Variants in LAMA2 observed in about 807,000 individuals in gnomAD.
The protein encoded by LAMA2 is laminin subunit alpha-2.
In LAMA2, 269 loss-of-function variants were observed where a neutral mutation model predicts 364.8. The observed-to-expected ratio is 0.74, with a 90% confidence interval of 0.67 to 0.82. LAMA2 has a LOEUF of 0.82. LAMA2 is among the 40% of genes least tolerant of loss of function. LAMA2 has a pLI of 0.00. For missense variants in LAMA2, 3,807 were observed against 3,873.2 expected (o/e 0.98, Z 0.45); for synonymous variants, 1,379 against 1,370.6 (o/e 1.01, Z -0.14).
chr6:129,326,148 G>A (rs1208886635), intron 28 of LAMA2, among the ~76,000 whole-genome samples: 1 of 152,110 alleles, frequency 6.6e-6, no homozygotes, highest in African/African-American at 2.4e-5. Context: ...CCTTTTCCAT[G>A]TGCCCTTTTA....
intron 50 of LAMA2, 147 bp downstream of exon 50, chr6:129,464,599 G>A (rs1783443871): frequency 1.1e-5 from 8 of 745,600 alleles, no homozygotes; most frequent in Non-Finnish European, 1.7e-5. Context: ...AAGAATGGGT[G>A]ATACAGATAG....
intron 12 of LAMA2, among the ~76,000 whole-genome samples, chr6:129,202,186 T>G: frequency 2.9e-5 from 1 of 34,916 alleles, no homozygotes. Context: ...AGAGTCTGTC[T>G]CAAAAAAAAA....
intron 1 of LAMA2, among the ~76,000 whole-genome samples, chr6:129,040,669 G>A (rs1787024951): frequency 6.6e-6 from 1 of 152,096 alleles, no homozygotes; most frequent in African/African-American, 2.4e-5. Flanking sequence ...AAGTTATTGA[G>A]TGACAGTTAA....
Position 129,395,701 on chromosome 6 carries a change from G to A in LAMA2, c.5445+2446G>A, listed in dbSNP as rs573590958. Among the ~76,000 whole-genome samples, 323 of 152,302 alleles carry A rather than the reference G, an allele frequency of 2.1e-3. 2 individuals carry two copies. Among genetic ancestry groups the A allele is most frequent in the African/African-American group, 6.9e-3 (288 of 41,558 alleles). On this transcript the variant is annotated intron_variant, in intron 37 of 64. Coordinates refer to ENST00000421865, the MANE Select transcript of LAMA2 (RefSeq NM_000426.4). ...GCTACCATAATTATCACAGGCGTAAGCAAAGGAGGGAGTCTAAGTCACCCC... is the reference window on the plus strand; with the variant it reads ...GCTACCATAATTATCACAGGCGTAAACAAAGGAGGGAGTCTAAGTCACCCC...
intron 4 of LAMA2, among the ~76,000 whole-genome samples, chr6:129,141,649 G>A (rs1435706778): frequency 2.6e-5 from 4 of 152,112 alleles, no homozygotes; most frequent in Middle Eastern, 6.8e-3. Flanking sequence ...AATGCAGGAC[G>A]TTAGGAATGG....
intron 1 of LAMA2, among the ~76,000 whole-genome samples, chr6:128,956,756 A>G (rs1042034928): frequency 6.6e-6 from 1 of 152,056 alleles, no homozygotes; most frequent in Non-Finnish European, 1.5e-5. Context: ...GTTATGTCAT[A>G]CAAATTCATG....
At chr6:128,969,016 G>T (rs1234005580) in intron 1 of LAMA2, among the ~76,000 whole-genome samples, 1 of 152,100 alleles carries the variant, frequency 6.6e-6, no homozygotes, top group African/African-American at 2.4e-5. Flanking sequence ...TGGTAGGTTC[G>T]GTTTCTATAA....
At chr6:129,310,053 C>T (rs959058152) in intron 22 of LAMA2, among the ~76,000 whole-genome samples, 3 of 151,380 alleles carry the variant, frequency 2.0e-5, no homozygotes, top group African/African-American at 7.3e-5. Flanking sequence ...GCGCCCGCTA[C>T]CACGCCCGGC....
chr6:129,412,978 C>G (rs1780609638), intron 40 of LAMA2, among the ~76,000 whole-genome samples: 2 of 152,110 alleles, frequency 1.3e-5, no homozygotes, highest in African/African-American at 4.8e-5. Context: ...ATAATAAATG[C>G]AAACATTAAA....
intron 54 of LAMA2, 70 bp downstream of exon 54, chr6:129,478,883 T>C: frequency 7.5e-7 from 1 of 1,338,940 alleles, no homozygotes; most frequent in Non-Finnish European, 1.1e-6. Flanking sequence ...TGGCTGCTCC[T>C]ACAAGGATCA....
chr6:129,042,256 G>A (rs1271080738), intron 1 of LAMA2, among the ~76,000 whole-genome samples: 2 of 150,748 alleles, frequency 1.3e-5, no homozygotes, highest in African/African-American at 2.4e-5. Context: ...AGTGAGTTGG[G>A]ATCATACTAC....
At chr6:129,335,944 C>T (rs1301158873) in intron 29 of LAMA2, among the ~76,000 whole-genome samples, 3 of 152,146 alleles carry the variant, frequency 2.0e-5, no homozygotes, top group Non-Finnish European at 1.5e-5. Context: ...GGGACAGAAT[C>T]TGCAAAAGTG....
intron 22 of LAMA2, among the ~76,000 whole-genome samples, chr6:129,312,237 TG>T (rs1436873624): frequency 1.3e-5 from 2 of 152,112 alleles, no homozygotes; most frequent in Non-Finnish European, 2.9e-5. Flanking sequence ...GTATACATCT[TG>T]GGCGAAGAAA....
chr6:129,358,765 CATT>C (rs1241477560), intron 32 of LAMA2, among the ~76,000 whole-genome samples: 1 of 151,996 alleles, frequency 6.6e-6, no homozygotes, highest in Non-Finnish European at 1.5e-5. Context: ...TTGTTATCAT[CATT>C]GTTATTATGT....
chr6:129,399,284 G>C (rs1247381796), intron 37 of LAMA2, among the ~76,000 whole-genome samples: 2 of 152,106 alleles, frequency 1.3e-5, no homozygotes, highest in African/African-American at 2.4e-5. Context: ...CAGTGTTACT[G>C]GGTGCCAGGC....
intron 22 of LAMA2, among the ~76,000 whole-genome samples, chr6:129,308,274 T>C (rs1774001885): frequency 7.3e-6 from 1 of 137,600 alleles, no homozygotes; most frequent in Non-Finnish European, 1.7e-5. Context: ...TATAAGTGTC[T>C]ATGACTGACT....
intron 1 of LAMA2, among the ~76,000 whole-genome samples, chr6:128,901,364 G>A (rs1268283632): frequency 6.6e-6 from 1 of 151,968 alleles, no homozygotes; most frequent in African/African-American, 2.4e-5. Context: ...TGCATGTCTG[G>A]GATTTAGAAA....
chr6:129,490,993 G>T (rs1309997490), intron 56 of LAMA2: 1 of 152,096 alleles, frequency 6.6e-6, no homozygotes, highest in Non-Finnish European at 1.5e-5. Flanking sequence ...TCTACATGTG[G>T]TTTTACTTCT....
chr6:129,365,512 G>A (rs1012609308), intron 32 of LAMA2, among the ~76,000 whole-genome samples: 6 of 151,878 alleles, frequency 4.0e-5, no homozygotes, highest in African/African-American at 7.3e-5. Context: ...ACAGGGGCCC[G>A]CCACCACGCC....
Sources: gnomAD v4.1 joint callset for allele counts (sites outside exome capture counted in the v4.1 genomes callset) on GRCh38, gnomAD v4.1.1 for gene constraint, MANE v1.5 for transcripts, NCBI Gene and HGNC (gene_info 2026-07-23, HGNC 2026-07-21) for gene names.